The following KCNN3 variants were observed in gnomAD, a reference collection of about 807,000 sequenced individuals.
The protein encoded by KCNN3 is potassium calcium-activated channel subfamily N member 3, also known as small conductance calcium-activated potassium channel protein 3.
Under a neutral mutation model 62.9 loss-of-function variants are expected in KCNN3, and 16 were observed. The observed-to-expected ratio is 0.25, with a 90% confidence interval of 0.17 to 0.39. KCNN3 has a LOEUF of 0.39. KCNN3 is among the 10% of genes least tolerant of loss of function. KCNN3 has a pLI of 1.00. For missense variants in KCNN3, 599 were observed against 949.4 expected (o/e 0.63, Z 4.85); for synonymous variants, 370 against 389.2 (o/e 0.95, Z 0.58).
rs1452725507 is a variant in KCNN3 at position 154,706,208 on chromosome 1, A to G, written c.*1768T>C. The G allele has an allele frequency of 6.6e-6, 1 of 152,252 alleles. No homozygotes were observed. Among genetic ancestry groups the G allele is most frequent in the Non-Finnish European group, 1.5e-5 (1 of 68,044 alleles). 9.4% of individuals were successfully genotyped at this position (152,252 alleles called of 1,614,324 possible). A position where few individuals can be genotyped will look rare whatever the true frequency, so the allele number is the denominator to read the frequency against. On this transcript the variant is annotated 3_prime_UTR_variant, in exon 8 of 8. Transcript: ENST00000271915. ...TTCCTGAAAAAGTGGCCTTGGCTCT[A>G]CAATTGTCTACCTTGTGCTGTCCTT...
chr1:154,755,500 AAAGG>A (rs1647602992), intron 3 of KCNN3, among the ~76,000 whole-genome samples: 1 of 78,468 alleles, frequency 1.3e-5, no homozygotes, highest in South Asian at 4.3e-4. Flanking sequence ...AGGGAGAAAG[AAAGG>A]AAGAAAGAAA....
intron 1 of KCNN3, among the ~76,000 whole-genome samples, chr1:154,841,393 C>T (rs996884446): frequency 2.3e-4 from 35 of 152,186 alleles, no homozygotes; most frequent in Non-Finnish European, 4.7e-4. Context: ...AATCCCCACA[C>T]CCAGGTTGCA....
At chr1:154,754,638 C>T (rs959628545) in intron 3 of KCNN3, among the ~76,000 whole-genome samples, 6 of 152,156 alleles carry the variant, frequency 3.9e-5, no homozygotes, top group Non-Finnish European at 8.8e-5. Context: ...GCTGGAGCTC[C>T]AGCAGCTTTC....
At chr1:154,762,074 C>T (rs965098111) in intron 3 of KCNN3, among the ~76,000 whole-genome samples, 12 of 152,266 alleles carry the variant, frequency 7.9e-5, no homozygotes, top group African/African-American at 2.9e-4. Flanking sequence ...CATTGAAATC[C>T]TAGATGTTTA....
chr1:154,824,120 T>C (rs1651013215), intron 1 of KCNN3, among the ~76,000 whole-genome samples: 1 of 152,226 alleles, frequency 6.6e-6, no homozygotes, highest in South Asian at 2.1e-4. Context: ...ATTCTATATA[T>C]ACAGTGATAT....
At chr1:154,854,239 A>G (rs1268556231) in intron 1 of KCNN3, among the ~76,000 whole-genome samples, 8 of 152,062 alleles carry the variant, frequency 5.3e-5, no homozygotes, top group Non-Finnish European at 4.4e-5. Context: ...CATCTCAAAA[A>G]TAATAATAAT....
chr1:154,850,538 T>C (rs1285488971), intron 1 of KCNN3, among the ~76,000 whole-genome samples: 1 of 152,194 alleles, frequency 6.6e-6, no homozygotes, highest in Non-Finnish European at 1.5e-5. Context: ...GGCTTCCCTG[T>C]GTGGTCCGTG....
intron 1 of KCNN3, among the ~76,000 whole-genome samples, chr1:154,842,869 C>A (rs1486414643): frequency 6.6e-6 from 1 of 152,178 alleles, no homozygotes; most frequent in Non-Finnish European, 1.5e-5. Context: ...AGTCCGAAGA[C>A]CTCACTTAGA....
At chr1:154,737,717 C>T (rs958866150) in intron 3 of KCNN3, among the ~76,000 whole-genome samples, 10 of 151,824 alleles carry the variant, frequency 6.6e-5, no homozygotes, top group East Asian at 1.9e-4. Flanking sequence ...GATGATAAAT[C>T]GAGGAATTCT....
At chr1:154,761,513 GT>G (rs1648012414) in intron 3 of KCNN3, among the ~76,000 whole-genome samples, 1 of 151,924 alleles carries the variant, frequency 6.6e-6, no homozygotes, top group Non-Finnish European at 1.5e-5. Flanking sequence ...TCAACTTAAT[GT>G]TTCTATGTAT....
At chr1:154,804,136 G>T (rs542704054) in intron 2 of KCNN3, among the ~76,000 whole-genome samples, 14 of 152,328 alleles carry the variant, frequency 9.2e-5, no homozygotes, top group African/African-American at 2.9e-4. Flanking sequence ...GATTTGAAGA[G>T]ACTGGCTGTT....
At position 154,737,227 on chromosome 1, in the gene KCNN3, T is replaced by C. The variant is rs906273016; in HGVS notation, c.1449-4083A>G. 9.9e-6 allele frequency: 5 copies of C among 506,676 alleles called. No homozygotes were observed. The Admixed American group carries it at 1.5e-4, about 16-fold the overall frequency. The allele number at this position is 506,676 out of a possible 1,614,324, so 31.4% of individuals were successfully genotyped here. A position where few individuals can be genotyped will look rare whatever the true frequency, so the allele number is the denominator to read the frequency against. ...AATTTGGGGGGGGGGGATAGCTCCA[T>C]GTTTTTCTTTAAAGGCTGAGGAGGA... On this transcript the variant is annotated intron_variant, in intron 3 of 7. Coordinates refer to ENST00000271915, the MANE Select transcript of KCNN3 (RefSeq NM_002249.6).
intron 1 of KCNN3, among the ~76,000 whole-genome samples, chr1:154,825,655 A>T (rs1651079636): frequency 6.6e-6 from 1 of 150,836 alleles, no homozygotes; most frequent in South Asian, 2.1e-4. Context: ...GGCGTGAGCC[A>T]CCGCGCCCAG....
intron 2 of KCNN3, among the ~76,000 whole-genome samples, chr1:154,793,244 G>A (rs1571281712): frequency 6.6e-6 from 1 of 152,232 alleles, no homozygotes. Context: ...GCTAGCAGTG[G>A]CCTGGTTCTC....
rs181310927 is a variant in KCNN3 at position 154,848,541 on chromosome 1, C to G, written c.933+20491G>C. Among the ~76,000 whole-genome samples the G allele has an allele frequency of 2.6e-4, 39 of 152,244 alleles. No homozygotes were observed. In the East Asian group the frequency reaches 7.3e-3, roughly 29 times the overall value. On this transcript the variant is annotated intron_variant, in intron 1 of 7. Coordinates refer to ENST00000271915, the MANE Select transcript of KCNN3 (RefSeq NM_002249.6). ...AAAGTGCAAATTCATCAGCCTAGTT[C>G]GTGAAGCCCCCACTACTCCACCAGC...
chr1:154,839,404 C>T (rs186058752), intron 1 of KCNN3, among the ~76,000 whole-genome samples: 2 of 152,332 alleles, frequency 1.3e-5, no homozygotes, highest in Non-Finnish European at 2.9e-5. Flanking sequence ...CTTCCAAATT[C>T]TGTTTTCCCT....
At chr1:154,792,560 T>C (rs898176061) in intron 2 of KCNN3, among the ~76,000 whole-genome samples, 6 of 152,352 alleles carry the variant, frequency 3.9e-5, no homozygotes, top group African/African-American at 9.6e-5. Context: ...GGAATTTGCA[T>C]GTTTTGTTAT....
intron 1 of KCNN3, among the ~76,000 whole-genome samples, chr1:154,843,699 G>A (rs1296659110): frequency 6.6e-6 from 1 of 152,184 alleles, no homozygotes; most frequent in Non-Finnish European, 1.5e-5. Flanking sequence ...AACCAGGCGG[G>A]GTAGGTGGGG....
At chr1:154,765,810 T>C (rs7410875) in intron 3 of KCNN3, among the ~76,000 whole-genome samples, 2 of 151,602 alleles carry the variant, frequency 1.3e-5, no homozygotes, top group Non-Finnish European at 2.9e-5. Context: ...TTTTTTGTTT[T>C]GTTTTGTTTT....
Sources: allele counts gnomAD v4.1 joint callset (sites outside exome capture counted in the v4.1 genomes callset), GRCh38; gene constraint gnomAD v4.1.1; transcripts MANE v1.5; gene names NCBI Gene and HGNC (gene_info 2026-07-23, HGNC 2026-07-21).